The following VPS41 variants were observed in gnomAD, a reference collection of about 807,000 sequenced individuals.
The protein encoded by VPS41 is VPS41 subunit of HOPS complex, also known as vacuolar protein sorting-associated protein 41 homolog.
VPS41 carries 85 observed loss-of-function variants against 130.9 expected under a neutral mutation model. The ratio of observed to expected loss-of-function variants is 0.65; its 90% CI spans 0.55 to 0.78. The LOEUF is 0.78. Ranked by LOEUF, VPS41 falls within the 30% of genes least tolerant of loss-of-function variation. The pLI is 0.00. For missense variants in VPS41, 874 were observed against 1,018.7 expected, an observed-to-expected ratio of 0.86 and a Z score of 1.93; for synonymous variants, 335 against 332.9, an observed-to-expected ratio of 1.01 and a Z score of -0.07.
intron 7 of VPS41, among the ~76,000 whole-genome samples, chr7:38,813,654 C>T (rs1419936608): frequency 6.6e-6 from 1 of 152,056 alleles, no homozygotes; most frequent in Non-Finnish European, 1.5e-5. Flanking sequence ...TTTCTCATGC[C>T]CCATATACTA....
intron 10 of VPS41, among the ~76,000 whole-genome samples, chr7:38,783,291 C>T (rs1283002668): frequency 1.3e-5 from 2 of 151,766 alleles, no homozygotes; most frequent in Admixed American, 6.6e-5. Flanking sequence ...AATCCCAGCA[C>T]TTTGGGAGGC....
chr7:38,908,242 G>C (rs1177116784), intron 1 of VPS41, among the ~76,000 whole-genome samples: 1 of 152,154 alleles, frequency 6.6e-6, no homozygotes, highest in African/African-American at 2.4e-5. Flanking sequence ...GTATCCAACT[G>C]AAATAACACT....
chr7:38,802,844 G>A (rs982618072), intron 7 of VPS41, among the ~76,000 whole-genome samples: 12 of 152,096 alleles, frequency 7.9e-5, no homozygotes, highest in Non-Finnish European at 1.0e-4. Context: ...AAAGCAGCTG[G>A]TTAATTTATT....
intron 2 of VPS41, among the ~76,000 whole-genome samples, chr7:38,881,082 G>A (rs545745703): frequency 6.6e-6 from 1 of 152,188 alleles, no homozygotes; most frequent in East Asian, 1.9e-4. Flanking sequence ...TAAAAAAAAT[G>A]TGACAAACTT....
chr7:38,864,554 A>C (rs1251934392), intron 3 of VPS41, among the ~76,000 whole-genome samples: 2 of 152,190 alleles, frequency 1.3e-5, no homozygotes, highest in East Asian at 3.9e-4. Context: ...ACTCTTCAAA[A>C]AAAGTTTACT....
chr7:38,813,478 A>G (rs1050613471), intron 7 of VPS41, among the ~76,000 whole-genome samples: 12 of 152,330 alleles, frequency 7.9e-5, no homozygotes, highest in Admixed American at 7.2e-4. Flanking sequence ...AAATATATTA[A>G]AAACGACTAA....
At chr7:38,864,763 CT>C (rs971688594) in intron 3 of VPS41, among the ~76,000 whole-genome samples, 2,301 of 145,220 alleles carry the variant, frequency 0.016, 66 homozygotes, top group African/African-American at 0.053. Context: ...AGTTTTGTTT[CT>C]TTTTTTTTTT....
At chr7:38,771,386 C>G in intron 13 of VPS41, 132 bp from the exon 14 acceptor site, 2 of 623,492 alleles carry the variant, frequency 3.2e-6, no homozygotes, top group Non-Finnish European at 5.5e-6. Context: ...GCATTCTGCA[C>G]TACACGAATA....
At position 38,805,066 on chromosome 7, in the gene VPS41, C is replaced by A. The variant is rs552246777; in HGVS notation, c.451-8202G>T. On this transcript the variant is annotated intron_variant, in intron 7 of 28. Transcript: ENST00000310301. ...ATTAAACTTGAATTAATGTTCTCTG[C>A]AATGAACAAATATCTCTAACTTTAA... is the stretch of plus-strand genomic sequence containing the variant. 8.5e-5 allele frequency among the ~76,000 whole-genome samples: 13 copies of A among 152,316 alleles called. No homozygotes were observed. In the South Asian group the frequency reaches 2.3e-3, roughly 27 times the overall value.
intron 4 of VPS41, among the ~76,000 whole-genome samples, chr7:38,835,290 T>C (rs1295699269): frequency 1.3e-5 from 2 of 151,986 alleles, no homozygotes; most frequent in African/African-American, 4.8e-5. Flanking sequence ...CTTTTTACTT[T>C]AGAACAATTT....
rs2190669 is a variant in VPS41 at position 38,825,336 on chromosome 7, T to C, written c.322-4071A>G. On this transcript the variant is annotated intron_variant, in intron 5 of 28. Coordinates refer to ENST00000310301, the MANE Select transcript of VPS41 (RefSeq NM_014396.4). Reference sequence around the variant, plus strand: ...TTGTCAGTATCAGCACAAGGGTGATTTGTAAAATCTTCAATGTTTTGGTTC... The same window carrying C: ...TTGTCAGTATCAGCACAAGGGTGATCTGTAAAATCTTCAATGTTTTGGTTC... Among the ~76,000 whole-genome samples, 861 of 152,312 alleles carry C rather than the reference T, an allele frequency of 5.7e-3. 11 individuals are homozygous for C. The highest frequency in any genetic ancestry group is 0.02 in the African/African-American group (816 of 41,568).
chr7:38,899,193 C>T (rs916556914), intron 1 of VPS41, among the ~76,000 whole-genome samples: 8 of 152,094 alleles, frequency 5.3e-5, no homozygotes, highest in Non-Finnish European at 1.2e-4. Context: ...CCTTCAAAGG[C>T]CATGGGTAAA....
intron 7 of VPS41, among the ~76,000 whole-genome samples, chr7:38,805,571 G>GAAAA (rs34156510): frequency 7.0e-6 from 1 of 143,770 alleles, no homozygotes; most frequent in Non-Finnish European, 1.5e-5. Flanking sequence ...CCCAAAAGTT[G>GAAAA]AAAAAAAAAA....
intron 2 of VPS41, among the ~76,000 whole-genome samples, chr7:38,882,590 A>G (rs1250855980): frequency 6.6e-6 from 1 of 152,072 alleles, no homozygotes; most frequent in Non-Finnish European, 1.5e-5. Context: ...CCAACTTAAA[A>G]TATGCAAAGT....
intron 3 of VPS41, 26 bp from the exon 4 acceptor site, chr7:38,862,648 T>A: frequency 1.4e-6 from 2 of 1,438,244 alleles, no homozygotes; most frequent in South Asian, 1.2e-5. Flanking sequence ...AGAGGCCAGT[T>A]AATTAATTAA....
intron 1 of VPS41, among the ~76,000 whole-genome samples, chr7:38,908,106 G>T (rs1787308955): frequency 6.6e-6 from 1 of 152,122 alleles, no homozygotes; most frequent in African/African-American, 2.4e-5. Context: ...AATGAAGTAT[G>T]TTGAAAATAG....
At chr7:38,790,708 T>C (rs1481156774) in intron 9 of VPS41, among the ~76,000 whole-genome samples, 1 of 152,230 alleles carries the variant, frequency 6.6e-6, no homozygotes, top group African/African-American at 2.4e-5. Flanking sequence ...TTACATCATT[T>C]ATATAAGCAT....
chr7:38,868,156 G>A (rs1183936988), intron 3 of VPS41, among the ~76,000 whole-genome samples: 2 of 152,184 alleles, frequency 1.3e-5, no homozygotes, highest in Non-Finnish European at 2.9e-5. Flanking sequence ...TCACTGGAAT[G>A]AAATTTGGTT....
At chr7:38,748,645 T>C (rs1012534683) in intron 22 of VPS41, among the ~76,000 whole-genome samples, 6 of 151,492 alleles carry the variant, frequency 4.0e-5, no homozygotes, top group African/African-American at 1.5e-4. Context: ...CAAATCAGAT[T>C]TGCAAAATGA....
Sources: gnomAD v4.1 joint callset for allele counts (sites outside exome capture counted in the v4.1 genomes callset) on GRCh38, gnomAD v4.1.1 for gene constraint, MANE v1.5 for transcripts, NCBI Gene and HGNC (gene_info 2026-07-23, HGNC 2026-07-21) for gene names.